FGD5: variants seen among roughly 807,000 people sequenced by gnomAD.
FGD5 encodes the protein FYVE, RhoGEF and PH domain-containing protein 5.
FGD5 carries 28 observed loss-of-function variants against 133.4 expected under a neutral mutation model. The ratio of observed to expected loss-of-function variants is 0.21; its 90% CI spans 0.16 to 0.29. The LOEUF (loss-of-function observed/expected upper bound fraction) is 0.29, where lower values mean the gene tolerates loss of function less well. FGD5 is among the 10% of genes least tolerant of loss of function. The pLI is 1.00. For synonymous variants in FGD5, 810 were observed against 776.5 expected (o/e 1.04, Z -0.72); for missense variants, 1,858 against 1,895.2 (o/e 0.98, Z 0.36).
At chr3:14,876,800 G>A (rs1395117270) in intron 2 of FGD5, among the ~76,000 whole-genome samples, 2 of 152,218 alleles carry the variant, frequency 1.3e-5, no homozygotes, top group Admixed American at 6.5e-5. Context: ...TGTCCTCGAA[G>A]GAGGCTGAGC....
At chr3:14,814,082 C>T (rs1360395473), upstream of FGD5, among the ~76,000 whole-genome samples, 1 of 152,110 alleles carries the variant, frequency 6.6e-6, no homozygotes, top group Non-Finnish European at 1.5e-5. Flanking sequence ...CCAGGAGGCC[C>T]TGGGCATTAG....
chr3:14,881,983 C>T (rs1300618546), intron 4 of FGD5, among the ~76,000 whole-genome samples: 1 of 152,152 alleles, frequency 6.6e-6, no homozygotes, highest in African/African-American at 2.4e-5. Flanking sequence ...GCATCACATC[C>T]CCACATGAGC....
intron 11 of FGD5, among the ~76,000 whole-genome samples, chr3:14,911,272 C>G (rs1305606226): frequency 6.6e-6 from 1 of 152,154 alleles, no homozygotes; most frequent in Non-Finnish European, 1.5e-5. Flanking sequence ...GGCAGAAGTC[C>G]AGGAGGAGCC....
Position 14,933,858 on chromosome 3 carries a change from C to A in FGD5, c.*691C>A, listed in dbSNP as rs1447152270. 2 of 152,880 alleles carry A rather than the reference C, an allele frequency of 1.3e-5. No individual in the cohort carries two copies. The highest frequency in any genetic ancestry group is 2.4e-5 in the African/African-American group (1 of 41,466). The allele number at this position is 152,880 out of a possible 1,614,324, so 9.5% of individuals were successfully genotyped here. A position where few individuals can be genotyped will look rare whatever the true frequency, so the allele number is the denominator to read the frequency against. On this transcript the variant is annotated 3_prime_UTR_variant, in exon 20 of 20. Coordinates refer to ENST00000285046, the MANE Select transcript of FGD5 (RefSeq NM_152536.4). The stretch of plus-strand genomic sequence containing the variant: ...GAAGGGGAGGATTTTCTCCTCCAGT[C>A]GACCTTGTGACCTGTATACTAACAT...
At chr3:14,890,824 CT>C (rs2038012494) in intron 4 of FGD5, among the ~76,000 whole-genome samples, 1 of 152,212 alleles carries the variant, frequency 6.6e-6, no homozygotes, top group Non-Finnish European at 1.5e-5. Context: ...TTGTCTTTGC[CT>C]GTTCTTCCTT....
intron 7 of FGD5, among the ~76,000 whole-genome samples, chr3:14,899,674 A>G (rs560444111): frequency 1.9e-3 from 283 of 152,354 alleles, no homozygotes; most frequent in Non-Finnish European, 3.5e-3. Flanking sequence ...TAAATCGAAC[A>G]GCAAACTCAG....
Position 14,821,863 on chromosome 3 carries a change from A to G in FGD5, c.2525+267A>G, listed in dbSNP as rs906219622. On this transcript the variant is annotated intron_variant, in intron 1 of 19. Coordinates refer to ENST00000285046, the MANE Select transcript of FGD5 (RefSeq NM_152536.4). ...ATGCCTGTAATCCCAGCACTTTGGG[A>G]GGCCGAGGCGGGCAGGTCACAAGGT... 1.7e-4 allele frequency among the ~76,000 whole-genome samples: 26 copies of G among 152,192 alleles called. 1 individual carries two copies. The highest frequency in any genetic ancestry group is 1.5e-5 in the Non-Finnish European group (1 of 68,036).
At chr3:14,868,949 G>T (rs2037553056) in intron 2 of FGD5, among the ~76,000 whole-genome samples, 2 of 152,154 alleles carry the variant, frequency 1.3e-5, no homozygotes, top group East Asian at 1.9e-4. Flanking sequence ...GGGGATGGAA[G>T]GTAAACCAGA....
chr3:14,849,219 T>TGACGC (rs1345837736), intron 1 of FGD5, among the ~76,000 whole-genome samples: 1 of 152,170 alleles, frequency 6.6e-6, no homozygotes, highest in Non-Finnish European at 1.5e-5. Flanking sequence ...CTGCCACAGG[T>TGACGC]GACGCTCCTG....
At chr3:14,811,521 T>G (rs1384125343) in intron 1 of FGD5, 1 of 152,600 alleles carries the variant, frequency 6.6e-6, no homozygotes, top group Admixed American at 6.5e-5. Flanking sequence ...GGGGACCCAA[T>G]GCCAAGGGGA....
At chr3:14,875,211 G>A (rs2037692814) in intron 2 of FGD5, among the ~76,000 whole-genome samples, 3 of 152,132 alleles carry the variant, frequency 2.0e-5, no homozygotes, top group African/African-American at 4.8e-5. Flanking sequence ...TCTCCAGCTG[G>A]CCCCTTCATT....
At chr3:14,865,154 G>C (rs2037470470) in intron 2 of FGD5, among the ~76,000 whole-genome samples, 1 of 138,908 alleles carries the variant, frequency 7.2e-6, no homozygotes, top group Non-Finnish European at 1.5e-5. Context: ...TGCATGTTGA[G>C]AGGTGACTGG....
upstream of FGD5, among the ~76,000 whole-genome samples, chr3:14,817,180 A>C (rs2036382654): frequency 6.6e-6 from 1 of 152,208 alleles, no homozygotes; most frequent in African/African-American, 2.4e-5. Flanking sequence ...AGTCCAATAA[A>C]ATATATCGTT....
chr3:14,820,579 C>G lies in FGD5; in HGVS notation c.1508C>G (p.Pro503Arg). 6.2e-7 allele frequency: 1 copy of G among 1,609,828 alleles called. No homozygotes were observed. Among genetic ancestry groups the G allele is most frequent in the Non-Finnish European group, 8.5e-7 (1 of 1,177,588 alleles). The change falls in exon 1 of 20, where the codon CCT (proline) becomes CGT (arginine). Residue 503 changes from proline (P) to arginine (R), a missense_variant. Pro to Arg is a moderately radical substitution (Grantham distance 103, BLOSUM62 -2). Coordinates refer to ENST00000285046, the MANE Select transcript of FGD5 (RefSeq NM_152536.4). ...VPETVPEETG[P>R]EAGSSAPGIG... ...GAAACCGTCCCTGAAGAAACCGGAC[C>G]TGAGGCGGGCTCGTCAGCCCCTGGC...
At chr3:14,816,823 G>A (rs997825828), upstream of FGD5, among the ~76,000 whole-genome samples, 1 of 152,206 alleles carries the variant, frequency 6.6e-6, no homozygotes, top group African/African-American at 2.4e-5. Flanking sequence ...CATTGATGTG[G>A]ATGAAATGGT....
chr3:14,900,143 C>G (rs1243797868), intron 7 of FGD5, among the ~76,000 whole-genome samples: 1 of 152,174 alleles, frequency 6.6e-6, no homozygotes, highest in Non-Finnish European at 1.5e-5. Flanking sequence ...GTGTCTGTCT[C>G]CAAGGCATGG....
chr3:14,890,084 T>G (rs2037997739), intron 4 of FGD5, among the ~76,000 whole-genome samples: 1 of 152,154 alleles, frequency 6.6e-6, no homozygotes, highest in South Asian at 2.1e-4. Context: ...TTCTCAGCGT[T>G]ACACGATCAT....
At chr3:14,908,905 T>A (rs1419845475) in intron 10 of FGD5, among the ~76,000 whole-genome samples, 1 of 151,536 alleles carries the variant, frequency 6.6e-6, no homozygotes, top group Non-Finnish European at 1.5e-5. Context: ...TAAATAAAAA[T>A]AATAAATAAA....
At chr3:14,872,414 T>C (rs1365400444) in intron 2 of FGD5, among the ~76,000 whole-genome samples, 2 of 152,198 alleles carry the variant, frequency 1.3e-5, no homozygotes, top group African/African-American at 4.8e-5. Flanking sequence ...GTAAGGTGGC[T>C]GTTCTCATGG....
Sources: gnomAD v4.1 joint callset for allele counts (sites outside exome capture counted in the v4.1 genomes callset) on GRCh38, gnomAD v4.1.1 for gene constraint, MANE v1.5 for transcripts, NCBI Gene and HGNC (gene_info 2026-07-23, HGNC 2026-07-21) for gene names.